VAV3: variants seen among roughly 807,000 people sequenced by gnomAD.
The protein encoded by VAV3 is guanine nucleotide exchange factor VAV3.
VAV3 carries 94 observed loss-of-function variants against 131.2 expected under a neutral mutation model. The observed-to-expected ratio is 0.72, with a 90% confidence interval of 0.61 to 0.85. The LOEUF (loss-of-function observed/expected upper bound fraction) is 0.85. VAV3 is among the 40% of genes least tolerant of loss of function. VAV3 has a pLI of 0.00. For missense variants in VAV3, 939 were observed against 1,002.7 expected, an observed-to-expected ratio of 0.94 and a Z score of 0.86; for synonymous variants, 349 against 342.0, an observed-to-expected ratio of 1.02 and a Z score of -0.22.
intron 2 of VAV3, among the ~76,000 whole-genome samples, chr1:107,804,206 CT>C (rs1482349518): frequency 7.9e-5 from 12 of 152,040 alleles, no homozygotes; most frequent in Non-Finnish European, 1.8e-4. Flanking sequence ...CAGCCTATGT[CT>C]TTTAATTGGA....
At chr1:107,867,332 G>A (rs1335678308) in intron 2 of VAV3, among the ~76,000 whole-genome samples, 2 of 152,184 alleles carry the variant, frequency 1.3e-5, no homozygotes, top group African/African-American at 2.4e-5. Flanking sequence ...TCACTAAGGT[G>A]TAAAAAATGT....
chr1:107,952,508 AAAAG>A (rs1280069140), intron 1 of VAV3, among the ~76,000 whole-genome samples: 4 of 137,972 alleles, frequency 2.9e-5, no homozygotes, highest in Non-Finnish European at 6.2e-5. Context: ...TCAACCTAAA[AAAAG>A]AAAGACAGGA....
intron 2 of VAV3, among the ~76,000 whole-genome samples, chr1:107,869,700 ATGAG>A (rs1444874654): frequency 6.6e-5 from 10 of 152,172 alleles, no homozygotes; most frequent in African/African-American, 2.4e-4. Context: ...ATTTGGTTAC[ATGAG>A]TAAGTTATTT....
chr1:107,948,454 T>C (rs1267670977), intron 1 of VAV3, among the ~76,000 whole-genome samples: 2 of 152,224 alleles, frequency 1.3e-5, no homozygotes, highest in South Asian at 2.1e-4. Context: ...TGTATACATA[T>C]CAGAGGACCT....
At chr1:107,682,844 G>A (rs560334955) in intron 19 of VAV3, among the ~76,000 whole-genome samples, 1 of 152,154 alleles carries the variant, frequency 6.6e-6, no homozygotes, top group East Asian at 1.9e-4. Context: ...CACAACAAAA[G>A]GATCACATAC....
intron 17 of VAV3, among the ~76,000 whole-genome samples, chr1:107,699,562 G>T (rs1659964699): frequency 6.6e-6 from 1 of 152,218 alleles, no homozygotes; most frequent in South Asian, 2.1e-4. Context: ...CTAGGCAGTG[G>T]CAGTGGGGAC....
chr1:107,745,395 CG>C (rs913741389), intron 15 of VAV3, among the ~76,000 whole-genome samples: 1 of 151,012 alleles, frequency 6.6e-6, no homozygotes, highest in Admixed American at 6.6e-5. Flanking sequence ...AAAAAAAAAG[CG>C]GGGGGGAATC....
chr1:107,619,698 T>C (rs1267567931), intron 20 of VAV3, among the ~76,000 whole-genome samples: 1 of 152,176 alleles, frequency 6.6e-6, no homozygotes. Flanking sequence ...CAAAGTGTAT[T>C]TGAAGGTGTA....
intron 1 of VAV3, among the ~76,000 whole-genome samples, chr1:107,942,810 AC>A (rs551418090): frequency 8.4e-4 from 128 of 152,246 alleles, no homozygotes; most frequent in African/African-American, 2.9e-3. Context: ...GTCTATCTCA[AC>A]CCAAGAATAT....
intron 17 of VAV3, among the ~76,000 whole-genome samples, chr1:107,699,468 C>A (rs958619350): frequency 6.6e-6 from 1 of 152,222 alleles, no homozygotes; most frequent in African/African-American, 2.4e-5. Context: ...TGAGTGTCTG[C>A]GGGTTTTCCA....
At position 107,603,063 on chromosome 1, in the gene VAV3, A is replaced by G; in HGVS notation, c.2116T>C (p.Tyr706His). The G allele has an allele frequency of 6.2e-7, 1 of 1,612,936 alleles. No individual in the cohort carries two copies. Among genetic ancestry groups the G allele is most frequent in the Non-Finnish European group, 8.5e-7 (1 of 1,179,270 alleles). The part of the protein sequence containing the change: ...VRHRTKESGE[Y>H]AISIKYNNEA... Reference sequence around the variant, plus strand: ...CCTACTTACTTAATGCTAATTGCATATTCTCCTGACTCTTTGGTCCTGTGC... The same window carrying G: ...CCTACTTACTTAATGCTAATTGCATGTTCTCCTGACTCTTTGGTCCTGTGC... The change falls in exon 23 of 27, where the codon TAT becomes CAT. Residue 706 changes from tyrosine (Y) to histidine (H), a missense_variant. Coordinates refer to ENST00000370056, the MANE Select transcript of VAV3 (RefSeq NM_006113.5).
At chr1:107,862,630 A>G (rs1669789953) in intron 2 of VAV3, 2 of 151,534 alleles carry the variant, frequency 1.3e-5, no homozygotes, top group African/African-American at 2.4e-5. Context: ...ATTTATTGTA[A>G]GCAAATGAAG....
intron 2 of VAV3, among the ~76,000 whole-genome samples, chr1:107,861,720 C>T (rs80340372): frequency 0.013 from 1,955 of 151,568 alleles, 42 homozygotes; most frequent in African/African-American, 0.045. Context: ...TATGCAGCTA[C>T]TTTAAAAGAC....
chr1:107,663,967 T>C (rs1333578057), intron 19 of VAV3, among the ~76,000 whole-genome samples: 2 of 152,192 alleles, frequency 1.3e-5, no homozygotes, highest in Non-Finnish European at 2.9e-5. Flanking sequence ...AAAGATAGTA[T>C]GGGCTCACCA....
At chr1:107,654,562 C>T (rs1443122780) in intron 19 of VAV3, among the ~76,000 whole-genome samples, 1 of 151,806 alleles carries the variant, frequency 6.6e-6, no homozygotes, top group Admixed American at 6.6e-5. Flanking sequence ...AATATTTTTC[C>T]CCCAACCATC....
chr1:107,633,546 T>A (rs1654669650), intron 20 of VAV3, among the ~76,000 whole-genome samples: 1 of 152,200 alleles, frequency 6.6e-6, no homozygotes, highest in African/African-American at 2.4e-5. Flanking sequence ...AAATGTTTTC[T>A]GTCTGTGGCA....
chr1:107,862,914 C>T (rs1052321224), intron 2 of VAV3, among the ~76,000 whole-genome samples: 3 of 151,808 alleles, frequency 2.0e-5, no homozygotes, highest in African/African-American at 7.3e-5. Context: ...TACCAGGGAC[C>T]AAGCTTCCAC....
At chr1:107,607,434 A>G (rs972728119) in intron 22 of VAV3, among the ~76,000 whole-genome samples, 1 of 152,192 alleles carries the variant, frequency 6.6e-6, no homozygotes, top group Non-Finnish European at 1.5e-5. Context: ...ACTGAGCTAC[A>G]CAAGAGAACT....
intron 1 of VAV3, among the ~76,000 whole-genome samples, chr1:107,898,889 T>TA (rs1671731922): frequency 6.6e-6 from 1 of 152,124 alleles, no homozygotes; most frequent in South Asian, 2.1e-4. Flanking sequence ...TTCTTCATTC[T>TA]AAAAAAATAA....
Sources: gnomAD v4.1 joint callset for allele counts (sites outside exome capture counted in the v4.1 genomes callset) on GRCh38, gnomAD v4.1.1 for gene constraint, MANE v1.5 for transcripts, NCBI Gene and HGNC (gene_info 2026-07-23, HGNC 2026-07-21) for gene names.